The following KCND3 variants were observed in gnomAD, a reference collection of about 807,000 sequenced individuals.
KCND3 encodes the protein A-type voltage-gated potassium channel KCND3.
A neutral mutation model predicts 51.1 loss-of-function variants in KCND3; 9 were observed. The observed-to-expected ratio is 0.18, with a 90% confidence interval of 0.11 to 0.31. The LOEUF (loss-of-function observed/expected upper bound fraction) is 0.31. Ranked by LOEUF, KCND3 falls within the 10% of genes least tolerant of loss-of-function variation. The probability of loss-of-function intolerance (pLI) is 1.00; values close to 1 mark genes in which losing one functional copy is unlikely to be tolerated. For synonymous variants in KCND3, 349 were observed against 368.0 expected (o/e 0.95, Z 0.59); for missense variants, 526 against 903.8 (o/e 0.58, Z 5.36).
At chr1:111,858,203 C>T (rs1668176044) in intron 2 of KCND3, among the ~76,000 whole-genome samples, 1 of 152,198 alleles carries the variant, frequency 6.6e-6, no homozygotes. Context: ...TCTTGTAAAC[C>T]CCACTATTAG....
chr1:111,950,848 G>A (rs1375088184), intron 2 of KCND3, among the ~76,000 whole-genome samples: 2 of 152,204 alleles, frequency 1.3e-5, no homozygotes, highest in Admixed American at 1.3e-4. Context: ...CCCTGTGATA[G>A]ATGTTTTGTC....
chr1:111,964,855 T>C (rs538923374), intron 2 of KCND3, among the ~76,000 whole-genome samples: 4 of 152,162 alleles, frequency 2.6e-5, no homozygotes, highest in African/African-American at 9.7e-5. Flanking sequence ...CATTTCCCGA[T>C]GTGTGCAATC....
chr1:111,956,354 C>T lies in KCND3; in HGVS notation c.1106+25267G>A, dbSNP rs892457187. Among the ~76,000 whole-genome samples the T allele has an allele frequency of 3.9e-5, 6 of 152,208 alleles. No individual in the cohort carries two copies. The East Asian group carries it at 9.6e-4, about 24-fold the overall frequency. On this transcript the variant is annotated intron_variant, in intron 2 of 7. Transcript: ENST00000302127. ...GCCAGTCGCCTCCCCAGTTCCGGAG[C>T]CCGAGGGGGCAAGAGCCCATGGCAG...
At chr1:111,785,160 A>G (rs563497948) in intron 3 of KCND3, among the ~76,000 whole-genome samples, 2 of 152,250 alleles carry the variant, frequency 1.3e-5, no homozygotes, top group African/African-American at 4.8e-5. Flanking sequence ...GCCGTGGGCT[A>G]GTGTGTGAGC....
At chr1:111,782,026 G>C (rs1447367397) in intron 3 of KCND3, among the ~76,000 whole-genome samples, 5 of 151,996 alleles carry the variant, frequency 3.3e-5, no homozygotes, top group Non-Finnish European at 1.5e-5. Context: ...AGCCCACAAG[G>C]ATAGCAGACC....
chr1:111,940,073 G>GTTTTTTTTTTT (rs61088602), intron 2 of KCND3, among the ~76,000 whole-genome samples: 61 of 85,460 alleles, frequency 7.1e-4, no homozygotes, highest in Non-Finnish European at 8.8e-4. Context: ...CTTTTTGATG[G>GTTTTTTTTTTT]TTTTTTTTTT....
chr1:111,796,078 G>C (rs1426534235), intron 2 of KCND3, among the ~76,000 whole-genome samples: 2 of 152,192 alleles, frequency 1.3e-5, no homozygotes, highest in African/African-American at 4.8e-5. Flanking sequence ...ATAGATGCTA[G>C]ATATTAAACC....
chr1:111,848,846 G>A lies in KCND3; in HGVS notation c.1107-61740C>T, dbSNP rs115874645. Among the ~76,000 whole-genome samples the A allele has an allele frequency of 8.5e-3, 1,291 of 152,334 alleles. 10 individuals are homozygous for A. Among genetic ancestry groups the A allele is most frequent in the Non-Finnish European group, 0.015 (1,000 of 68,020 alleles). On this transcript the variant is annotated intron_variant, in intron 2 of 7. Transcript: ENST00000302127. ...GCCAGAGTAGAAGGATGCCAGGGAC[G>A]CGGGATGTGCTGTCCACAGGGAGCG...
chr1:111,988,087 C>T (rs1675390050), intron 1 of KCND3, among the ~76,000 whole-genome samples: 2 of 152,172 alleles, frequency 1.3e-5, no homozygotes, highest in African/African-American at 4.8e-5. Context: ...GTCATGTCAC[C>T]AAGGTCTGTC....
rs1206735786 is a variant in KCND3, at chr1:111,904,408, CTAGCTGCTATAAATCAGCT to C, written c.1106+77194_1106+77212del. 2.6e-5 allele frequency among the ~76,000 whole-genome samples: 4 copies of C among 152,158 alleles called. No homozygotes were observed. The East Asian group carries it at 5.8e-4, about 22-fold the overall frequency. On this transcript the variant is annotated intron_variant, in intron 2 of 7. Transcript: ENST00000302127. ...GAGGAACCCTTTAGGGGCAGCTTTCCTAGCTGCTATAAATCAGCTTAGCTTTGCTGTTCTCTTCCCTCTT... is the reference window on the plus strand; with the variant it reads ...GAGGAACCCTTTAGGGGCAGCTTTCCTAGCTTTGCTGTTCTCTTCCCTCTT...
intron 2 of KCND3, among the ~76,000 whole-genome samples, chr1:111,788,714 G>A (rs977280413): frequency 7.2e-5 from 11 of 152,182 alleles, no homozygotes; most frequent in Non-Finnish European, 1.5e-4. Flanking sequence ...AGGCCTCCAG[G>A]GAAGTGGTTG....
At chr1:111,804,871 G>A (rs1053542601) in intron 2 of KCND3, among the ~76,000 whole-genome samples, 1 of 152,202 alleles carries the variant, frequency 6.6e-6, no homozygotes, top group African/African-American at 2.4e-5. Context: ...TGCCTCAGGC[G>A]CCTAGGCCCT....
In KCND3 at chr1:111,775,932, C is replaced by G; in HGVS notation, c.*145G>C. The G allele has an allele frequency of 1.1e-6, 1 of 916,830 alleles. No individual in the cohort carries two copies. Among genetic ancestry groups the G allele is most frequent in the Non-Finnish European group, 1.7e-6 (1 of 579,446 alleles). 56.8% of individuals were successfully genotyped at this position (916,830 alleles called of 1,614,324 possible). A position where few individuals can be genotyped will look rare whatever the true frequency, so the allele number is the denominator to read the frequency against. ...CCCCTTTGCTACCTCTTTTTCCTTCCAGGCACAAGTCTCAGTGCTAGGGGT... is the reference window on the plus strand; with the variant it reads ...CCCCTTTGCTACCTCTTTTTCCTTCGAGGCACAAGTCTCAGTGCTAGGGGT... On this transcript the variant is annotated 3_prime_UTR_variant, in exon 8 of 8. Coordinates refer to ENST00000302127, the MANE Select transcript of KCND3 (RefSeq NM_001378969.1).
intron 2 of KCND3, among the ~76,000 whole-genome samples, chr1:111,969,289 G>A (rs1230102625): frequency 1.3e-5 from 2 of 152,146 alleles, no homozygotes; most frequent in Non-Finnish European, 2.9e-5. Context: ...TGTGCCAACA[G>A]AGCCCAAGAG....
intron 2 of KCND3, among the ~76,000 whole-genome samples, chr1:111,871,138 G>A (rs554536567): frequency 4.1e-4 from 62 of 152,166 alleles, no homozygotes; most frequent in Non-Finnish European, 6.6e-4. Context: ...AGGAATGGGA[G>A]GTGAGATGAG....
At chr1:111,790,473 A>G (rs934642210) in intron 2 of KCND3, among the ~76,000 whole-genome samples, 5 of 152,176 alleles carry the variant, frequency 3.3e-5, no homozygotes, top group South Asian at 2.1e-4. Flanking sequence ...CCATGCCCCA[A>G]TGCCCACTTG....
chr1:111,826,984 AG>A, intron 2 of KCND3, among the ~76,000 whole-genome samples: 1 of 152,224 alleles, frequency 6.6e-6, no homozygotes, highest in African/African-American at 2.4e-5. Context: ...CTTATGGTTG[AG>A]CATCCCTAAT....
intron 2 of KCND3, among the ~76,000 whole-genome samples, chr1:111,904,101 T>G (rs925473316): frequency 4.0e-5 from 6 of 151,494 alleles, no homozygotes; most frequent in Non-Finnish European, 8.9e-5. Context: ...TTTTGTTTTT[T>G]TTTTTTTTGT....
At chr1:111,813,013 A>T (rs1282759349) in intron 2 of KCND3, among the ~76,000 whole-genome samples, 1 of 152,126 alleles carries the variant, frequency 6.6e-6, no homozygotes, top group Non-Finnish European at 1.5e-5. Context: ...AGTGGGCAGG[A>T]GTGGGGTGCT....
Sources: allele counts gnomAD v4.1 joint callset (sites outside exome capture counted in the v4.1 genomes callset), GRCh38; gene constraint gnomAD v4.1.1; transcripts MANE v1.5; gene names NCBI Gene and HGNC (gene_info 2026-07-23, HGNC 2026-07-21).